ANKDD1A: variants seen among roughly 807,000 people sequenced by gnomAD.
ANKDD1A encodes the protein ankyrin repeat and death domain containing 1A.
ANKDD1A carries 59 observed loss-of-function variants against 63.5 expected under a neutral mutation model. That is an observed-to-expected ratio of 0.93 (90% CI 0.75 to 1.15). The LOEUF (loss-of-function observed/expected upper bound fraction) is 1.15. ANKDD1A is among the 50% of genes most tolerant of loss of function. The pLI, the probability that ANKDD1A is intolerant of heterozygous loss-of-function variation, is 0.00. For synonymous variants in ANKDD1A, 266 were observed against 263.9 expected (o/e 1.01, Z -0.08); for missense variants, 632 against 656.4 (o/e 0.96, Z 0.41).
At chr15:64,953,366 TCTC>T (rs980984029) in intron 14 of ANKDD1A, among the ~76,000 whole-genome samples, 8 of 142,612 alleles carry the variant, frequency 5.6e-5, no homozygotes, top group African/African-American at 1.6e-4. Flanking sequence ...TCTTCTTTCT[TCTC>T]CTTCTTTTCC....
intron 14 of ANKDD1A, among the ~76,000 whole-genome samples, chr15:64,956,847 C>G (rs1001644338): frequency 1.5e-4 from 23 of 152,112 alleles, no homozygotes; most frequent in Admixed American, 3.3e-4. Flanking sequence ...GCCACGGAGC[C>G]CAGCCATTTT....
chr15:64,942,654 C>T, intron 10 of ANKDD1A, 89 bp downstream of exon 10: 1 of 933,618 alleles, frequency 1.1e-6, no homozygotes, highest in Non-Finnish European at 1.6e-6. Flanking sequence ...CCTAGCATGG[C>T]CCAGAGTTGA....
At chr15:64,912,148 G>A (rs998366623) in intron 1 of ANKDD1A, among the ~76,000 whole-genome samples, 184 bp downstream of exon 1, 1 of 152,178 alleles carries the variant, frequency 6.6e-6, no homozygotes, top group Non-Finnish European at 1.5e-5. Flanking sequence ...TTGCCAGTGC[G>A]TCTGGGACTC....
rs760927682 is a variant in ANKDD1A, at chr15:64,931,509, C to T, written c.692C>T (p.Ser231Leu). The T allele has an allele frequency of 2.5e-5, 40 of 1,613,778 alleles. No individual in the cohort carries two copies. Among genetic ancestry groups the T allele is most frequent in the Middle Eastern group, 1.7e-4 (1 of 6,054 alleles). Residue 231 changes from serine (S) to leucine (L), a missense_variant, in exon 8 of 15, where the codon TCG (serine) becomes TTG (leucine). Ser to Leu is a moderately radical substitution (Grantham distance 145). Coordinates refer to ENST00000319580, the MANE Select transcript of ANKDD1A (RefSeq NM_182703.6). ...QNAEGLTALH[S>L]AAGGSHPDCV... is the part of the protein sequence containing the mutation. ...CAGGAAGGTCTGACTGCCCTGCATTCGGCTGCTGGAGGATCCCACCCTGAC... is the reference window on the plus strand; with the variant it reads ...CAGGAAGGTCTGACTGCCCTGCATTTGGCTGCTGGAGGATCCCACCCTGAC...
In ANKDD1A at chr15:64,951,754, CTTCT is replaced by C. The variant is rs751348225; in HGVS notation, c.1483+1786_1483+1789del. Among the ~76,000 whole-genome samples the C allele has an allele frequency of 2.2e-3, 131 of 58,296 alleles. 1 individual carries two copies. Among genetic ancestry groups the C allele is most frequent in the Admixed American group, 4.4e-3 (18 of 4,114 alleles). The allele number at this position is 58,296 out of a possible 152,430, so 38.2% of individuals were successfully genotyped here. On this transcript the variant is annotated intron_variant, in intron 14 of 14. Coordinates refer to ENST00000319580, the MANE Select transcript of ANKDD1A (RefSeq NM_182703.6). ...TCTTTCCTCCTTCTTCCTCTTCTTC[CTTCT>C]TTCCTTTTCTTCTTCTTTCCTTTCT... is the stretch of plus-strand genomic sequence containing the variant.
chr15:64,914,271 C>A (rs1404078298), intron 1 of ANKDD1A: 1 of 152,314 alleles, frequency 6.6e-6, no homozygotes, highest in Admixed American at 6.5e-5. Context: ...CAGGTGTGAG[C>A]CACTGCACCC....
At position 64,947,564 on chromosome 15, in the gene ANKDD1A, A is replaced by C; in HGVS notation, c.1322A>C (p.His441Pro). The change falls in exon 13 of 15, where the codon CAT becomes CCT. Residue 441 changes from histidine (H) to proline (P), a missense_variant. By Grantham distance (77) the His-to-Pro change is moderately conservative (BLOSUM62 -2). Transcript: ENST00000319580. ...LAYSWEFTEA[H>P]VDAIEQQWTG... Reference sequence around the variant, plus strand: ...TATTCCTGGGAGTTCACGGAGGCACATGTCGACGCCATCGAGCAACAGTGG... The same window carrying C: ...TATTCCTGGGAGTTCACGGAGGCACCTGTCGACGCCATCGAGCAACAGTGG... 1 of 1,614,144 alleles carries C rather than the reference A, an allele frequency of 6.2e-7. No homozygotes were observed. The highest frequency in any genetic ancestry group is 1.3e-5 in the African/African-American group (1 of 75,046).
intron 14 of ANKDD1A, among the ~76,000 whole-genome samples, chr15:64,954,381 T>TCTC (rs1227707114): frequency 1.3e-4 from 1 of 7,962 alleles, no homozygotes; most frequent in Non-Finnish European, 2.2e-3. Context: ...TTCCTTTTCT[T>TCTC]TTCTTCTTCT....
At position 64,953,630 on chromosome 15, in the gene ANKDD1A, C is replaced by CTTAGTT. The variant is rs1467278506; in HGVS notation, c.1484-3473_1484-3472insTTAGTT. Among the ~76,000 whole-genome samples the CTTAGTT allele has an allele frequency of 3.4e-3, 70 of 20,734 alleles. 2 individuals are homozygous for CTTAGTT. The highest frequency in any genetic ancestry group is 4.8e-3 in the Non-Finnish European group (28 of 5,890). The allele number at this position is 20,734 out of a possible 152,430, so 13.6% of individuals were successfully genotyped here. Reference sequence around the variant, plus strand: ...TTCTTCTCTCCTTCTTCTTCTTCTTCCTTCTTCTTCCTCTTCCTTCTCCTT... The same window carrying CTTAGTT: ...TTCTTCTCTCCTTCTTCTTCTTCTTCTTAGTTCTTCTTCTTCCTCTTCCTTCTCCTT... On this transcript the variant is annotated intron_variant, in intron 14 of 14. Transcript: ENST00000319580.
chr15:64,932,946 C>T (rs1170910224), intron 8 of ANKDD1A, among the ~76,000 whole-genome samples: 1 of 44,876 alleles, frequency 2.2e-5, no homozygotes, highest in African/African-American at 3.8e-5. Context: ...GAGACCCTGT[C>T]TCAAGAAAAA....
At chr15:64,949,665 T>G (rs2085253641) in intron 13 of ANKDD1A, among the ~76,000 whole-genome samples, 176 bp from the exon 14 acceptor site, 1 of 152,138 alleles carries the variant, frequency 6.6e-6, no homozygotes, top group African/African-American at 2.4e-5. Flanking sequence ...TCCACTCCCC[T>G]TACCTATCTC....
chr15:64,917,547 G>C, intron 3 of ANKDD1A, 33 bp downstream of exon 3: 4 of 1,544,604 alleles, frequency 2.6e-6, no homozygotes, highest in Non-Finnish European at 3.5e-6. Context: ...GTCTCAGGGT[G>C]GTGGGGGGCA....
At chr15:64,945,028 T>C (rs1206223377) in intron 12 of ANKDD1A, among the ~76,000 whole-genome samples, 1 of 152,220 alleles carries the variant, frequency 6.6e-6, no homozygotes, top group Admixed American at 6.5e-5. Context: ...CGTGCATGAA[T>C]GCATACAGAC....
At chr15:64,947,339 C>T in intron 12 of ANKDD1A, 65 bp from the exon 13 acceptor site, 2 of 1,547,736 alleles carry the variant, frequency 1.3e-6, no homozygotes, top group Non-Finnish European at 1.8e-6. Context: ...GGGGCCTCGG[C>T]TCGGCACTGC....
At chr15:64,928,353 A>G (rs1456705214) in intron 6 of ANKDD1A, among the ~76,000 whole-genome samples, 1 of 152,252 alleles carries the variant, frequency 6.6e-6, no homozygotes, top group African/African-American at 2.4e-5. Context: ...AGTGCCTGCC[A>G]GGACTGGCAA....
chr15:64,951,166 A>G, intron 14 of ANKDD1A: 1 of 1,090,852 alleles, frequency 9.2e-7, no homozygotes, highest in South Asian at 2.2e-5. Flanking sequence ...AGAGCCCAGG[A>G]GGCAAATGTT....
intron 4 of ANKDD1A, 87 bp downstream of exon 4, chr15:64,922,106 G>A (rs952644042): frequency 6.7e-6 from 8 of 1,187,842 alleles, no homozygotes; most frequent in African/African-American, 2.0e-5. Flanking sequence ...CCCCACCCCT[G>A]CTTGCCCCTC....
At chr15:64,927,232 A>C (rs950119475) in intron 6 of ANKDD1A, among the ~76,000 whole-genome samples, 1 of 152,174 alleles carries the variant, frequency 6.6e-6, no homozygotes, top group African/African-American at 2.4e-5. Flanking sequence ...ACCGTTTCTT[A>C]CTCGAGGAAC....
At chr15:64,919,696 G>A (rs943410019) in intron 3 of ANKDD1A, 1 of 152,176 alleles carries the variant, frequency 6.6e-6, no homozygotes. Flanking sequence ...GGTTTCCAGG[G>A]ACTCCATTCA....
Sources: gnomAD v4.1 joint callset for allele counts (sites outside exome capture counted in the v4.1 genomes callset) on GRCh38, gnomAD v4.1.1 for gene constraint, MANE v1.5 for transcripts, NCBI Gene and HGNC (gene_info 2026-07-23, HGNC 2026-07-21) for gene names.